ADGRV1: variants seen among roughly 807,000 people sequenced by gnomAD.
ADGRV1 encodes adhesion G protein-coupled receptor V1.
In ADGRV1, 359 loss-of-function variants were observed where a neutral mutation model predicts 596.2. That is an observed-to-expected ratio of 0.60 (90% confidence interval 0.55 to 0.66). ADGRV1 has a LOEUF of 0.66. Among genes scored for constraint, ADGRV1 ranks in the 30% least tolerant of loss-of-function variants. The probability of loss-of-function intolerance (pLI) is 0.00; values close to 1 mark genes in which losing one functional copy is unlikely to be tolerated. For missense variants in ADGRV1, 7,274 were observed against 7,575.6 expected (o/e 0.96, Z 1.48); for synonymous variants, 2,681 against 2,679.2 (o/e 1.00, Z -0.02).
rs747428599 is a variant in ADGRV1, at chr5:90,629,195, A to C, written c.1510-15A>C. 3 of 1,446,536 alleles carry C rather than the reference A, an allele frequency of 2.1e-6. No homozygotes were observed. The South Asian group carries it at 4.7e-5, about 23-fold the overall frequency. 89.6% of individuals were successfully genotyped at this position (1,446,536 alleles called of 1,614,324 possible). On this transcript the variant is annotated splice_polypyrimidine_tract_variant and intron_variant, in intron 8 of 89. Coordinates refer to ENST00000405460, the MANE Select transcript of ADGRV1 (RefSeq NM_032119.4). ...CGAGAATTCTGTACTTTAATATTTT[A>C]TTCCTTTACTTCAGCTTTTGTTCTA...
Position 90,675,534 on chromosome 5 carries a change from C to T in ADGRV1, c.5313+89C>T. 3 of 1,240,686 alleles carry T rather than the reference C, an allele frequency of 2.4e-6. No individual in the cohort carries two copies. The South Asian group carries it at 4.0e-5, about 17-fold the overall frequency. 76.9% of individuals were successfully genotyped at this position (1,240,686 alleles called of 1,614,324 possible). A position where few individuals can be genotyped will look rare whatever the true frequency, so the allele number is the denominator to read the frequency against. ...GAAGGGATATACACTGTACCTGGAA[C>T]ATAGTGACTCACGCCTGTAATCCTA... On this transcript the variant is annotated intron_variant, in intron 24 of 89. Transcript: ENST00000405460.
rs1412223706 is a variant in ADGRV1 at position 90,596,082 on chromosome 5, C to T, written c.23-18753C>T. On this transcript the variant is annotated intron_variant, in intron 1 of 89. Coordinates refer to ENST00000405460, the MANE Select transcript of ADGRV1 (RefSeq NM_032119.4). ...CTCCTCACTTCTCAGACGGGGCGGCCGGGCAGAGACGCTCCTCAACTCCCA... is the reference window on the plus strand; with the variant it reads ...CTCCTCACTTCTCAGACGGGGCGGCTGGGCAGAGACGCTCCTCAACTCCCA... Among the ~76,000 whole-genome samples the T allele has an allele frequency of 1.1e-4, 17 of 148,676 alleles. No individual in the cohort carries two copies. In the South Asian group the frequency reaches 2.8e-3, roughly 24 times the overall value.
chr5:90,801,389 C>T (rs1434259212), intron 70 of ADGRV1, among the ~76,000 whole-genome samples: 2 of 151,994 alleles, frequency 1.3e-5, no homozygotes, highest in African/African-American at 4.8e-5. Flanking sequence ...GTGCTTTAAG[C>T]TGACACCTGG....
chr5:90,560,182 A>C lies in ADGRV1; in HGVS notation c.22+1265A>C, dbSNP rs540459515. 2.2e-3 allele frequency among the ~76,000 whole-genome samples: 336 copies of C among 152,278 alleles called. 1 individual carries two copies. The highest frequency in any genetic ancestry group is 7.9e-3 in the African/African-American group (329 of 41,574). On this transcript the variant is annotated intron_variant, in intron 1 of 89. Transcript: ENST00000405460. ...CATTAGTTTCTTCATTTATAAAATA[A>C]AGTAATTGGACTAGGTGATTGCAAA...
intron 87 of ADGRV1, among the ~76,000 whole-genome samples, chr5:91,146,891 G>T (rs745964594): frequency 5.9e-5 from 9 of 152,154 alleles, no homozygotes; most frequent in Non-Finnish European, 1.2e-4. Context: ...GCTGGGCATG[G>T]TGGCTTGCAC....
At chr5:91,066,879 G>A (rs1232914196) in intron 85 of ADGRV1, among the ~76,000 whole-genome samples, 3 of 152,238 alleles carry the variant, frequency 2.0e-5, no homozygotes, top group Non-Finnish European at 4.4e-5. Flanking sequence ...AAGAAGGCAA[G>A]AGGAGCTGCC....
chr5:91,138,905 G>A (rs1334240082), intron 87 of ADGRV1, among the ~76,000 whole-genome samples: 1 of 151,996 alleles, frequency 6.6e-6, no homozygotes, highest in Non-Finnish European at 1.5e-5. Context: ...CCGAGTAACT[G>A]GGATTACAGG....
Position 90,924,315 on chromosome 5 carries a change from T to C in ADGRV1, c.17857-41100T>C, listed in dbSNP as rs1209108868. ...CTGTTGTTTCCTGACTTTTTAATGA[T>C]TGCCATTCTAACTGGTGTGAGATGG... is the stretch of plus-strand genomic sequence containing the variant. On this transcript the variant is annotated intron_variant, in intron 83 of 89. Coordinates refer to ENST00000405460, the MANE Select transcript of ADGRV1 (RefSeq NM_032119.4). Among the ~76,000 whole-genome samples, 122 of 151,524 alleles carry C rather than the reference T, an allele frequency of 8.1e-4. 1 individual carries two copies. The highest frequency in any genetic ancestry group is 7.2e-3 in the Admixed American group (109 of 15,242).
chr5:90,647,447 A>G, intron 16 of ADGRV1, 51 bp from the exon 17 acceptor site: 3 of 1,552,638 alleles, frequency 1.9e-6, no homozygotes, highest in Non-Finnish European at 2.6e-6. Context: ...ATCTGAAAAT[A>G]TGTGATGGAA....
chr5:91,155,977 A>C (rs1468132919), intron 89 of ADGRV1, among the ~76,000 whole-genome samples: 1 of 152,224 alleles, frequency 6.6e-6, no homozygotes, highest in Non-Finnish European at 1.5e-5. Flanking sequence ...TGCCGAGGAA[A>C]GACTGAGGGA....
chr5:90,834,561 A>G (rs1764798003), intron 77 of ADGRV1, among the ~76,000 whole-genome samples: 1 of 149,914 alleles, frequency 6.7e-6, no homozygotes, highest in Non-Finnish European at 1.5e-5. Context: ...TGCTTTTAGG[A>G]TTCTTTTTTT....
chr5:90,627,427 G>A lies in ADGRV1; in HGVS notation c.889G>A (p.Asp297Asn). 1 of 1,613,910 alleles carries A rather than the reference G, an allele frequency of 6.2e-7. No homozygotes were observed. Among genetic ancestry groups the A allele is most frequent in the South Asian group, 1.1e-5 (1 of 91,078 alleles). ...KDNNGNLIGS[D>N]EYEVSISYAV... Reference sequence around the variant, plus strand: ...CAACAATGGAAATCTGATTGGATCTGATGAATATGAGGTTTCAATCAGTTA... The same window carrying A: ...CAACAATGGAAATCTGATTGGATCTAATGAATATGAGGTTTCAATCAGTTA... Residue 297 changes from aspartate to asparagine, a missense_variant, in exon 7 of 90, where the codon GAT becomes AAT. Around this residue, in one of 5 missense-constraint regions of ADGRV1, gnomAD observed 1,715 missense variants for 1,708.8 expected, o/e 1.00. Coordinates refer to ENST00000405460, the MANE Select transcript of ADGRV1 (RefSeq NM_032119.4).
Position 90,802,789 on chromosome 5 carries a change from G to A in ADGRV1, c.14568G>A (p.Met4856Ile). The A allele has an allele frequency of 6.2e-7, 1 of 1,613,074 alleles. No individual in the cohort carries two copies. Among genetic ancestry groups the A allele is most frequent in the Non-Finnish European group, 8.5e-7 (1 of 1,179,526 alleles). Residue 4856 changes from methionine (M) to isoleucine (I), a missense_variant, in exon 71 of 90, where the codon ATG (methionine) becomes ATA (isoleucine). Coordinates refer to ENST00000405460, the MANE Select transcript of ADGRV1 (RefSeq NM_032119.4). ...SNFTLQLVTV[M>I]LVGGRFYGMP... ...TCACTTTGCAACTGGTGACTGTGATGCTTGTCGGTGGACGTTTCTATGGAA... is the reference window on the plus strand; with the variant it reads ...TCACTTTGCAACTGGTGACTGTGATACTTGTCGGTGGACGTTTCTATGGAA...
intron 84 of ADGRV1, among the ~76,000 whole-genome samples, chr5:90,969,588 T>C (rs911552164): frequency 3.3e-5 from 5 of 152,218 alleles, no homozygotes; most frequent in Non-Finnish European, 5.9e-5. Flanking sequence ...AGCGAGGATG[T>C]ATTAACAAAT....
At chr5:90,719,127 C>T (rs978729060) in intron 43 of ADGRV1, among the ~76,000 whole-genome samples, 3 of 152,070 alleles carry the variant, frequency 2.0e-5, no homozygotes, top group South Asian at 2.1e-4. Context: ...GTCAGGAGTT[C>T]GAGACCAGCC....
intron 3 of ADGRV1, among the ~76,000 whole-genome samples, chr5:90,618,195 T>G (rs1763610741): frequency 6.6e-6 from 1 of 152,202 alleles, no homozygotes; most frequent in Admixed American, 6.5e-5. Flanking sequence ...GGAATTGCCA[T>G]GACAGTTGCT....
chr5:91,035,862 T>TATATATATATATATATATA (rs1784849814), intron 85 of ADGRV1, among the ~76,000 whole-genome samples: 1 of 16,500 alleles, frequency 6.1e-5, no homozygotes, highest in African/African-American at 9.7e-5. Context: ...ATATATATAT[T>TATATATATATATATATATA]ATATATATAT....
chr5:90,920,346 C>T (rs1773768006), intron 83 of ADGRV1, among the ~76,000 whole-genome samples: 1 of 152,194 alleles, frequency 6.6e-6, no homozygotes, highest in South Asian at 2.1e-4. Flanking sequence ...ATGCCATCGC[C>T]TTACGGGTTA....
intron 50 of ADGRV1, among the ~76,000 whole-genome samples, chr5:90,733,351 G>A (rs1044956072): frequency 2.0e-5 from 3 of 152,156 alleles, no homozygotes; most frequent in African/African-American, 7.2e-5. Flanking sequence ...GCATGTGTAG[G>A]TGGTTAGTAG....
Sources: gnomAD v4.1 joint callset for allele counts (sites outside exome capture counted in the v4.1 genomes callset) on GRCh38, gnomAD v4.1.1 for gene constraint, gnomAD v4.1.1 regional missense constraint, MANE v1.5 for transcripts, NCBI Gene and HGNC (gene_info 2026-07-23, HGNC 2026-07-21) for gene names.